The following TNS3 variants were observed in gnomAD, a reference collection of about 807,000 sequenced individuals.
TNS3 encodes the protein tensin-3.
In TNS3, 45 loss-of-function variants were observed where a neutral mutation model predicts 140.9. That is an observed-to-expected ratio of 0.32 (90% CI 0.25 to 0.41). The LOEUF (loss-of-function observed/expected upper bound fraction) is 0.41. TNS3 is among the 10% of genes least tolerant of loss of function. TNS3 has a pLI of 1.00. For missense variants in TNS3, 1,716 were observed against 1,906.7 expected, an observed-to-expected ratio of 0.90 and a Z score of 1.86; for synonymous variants, 815 against 788.4, an observed-to-expected ratio of 1.03 and a Z score of -0.56.
At chr7:47,426,090 G>C (rs1262026861) in intron 9 of TNS3, among the ~76,000 whole-genome samples, 1 of 152,110 alleles carries the variant, frequency 6.6e-6, no homozygotes, top group African/African-American at 2.4e-5. Context: ...AGACCAGCCT[G>C]TCCAACATGG....
intron 1 of TNS3, chr7:47,557,267 G>C (rs897850662): frequency 7.5e-6 from 3 of 398,372 alleles, no homozygotes; most frequent in African/African-American, 4.1e-5. Flanking sequence ...GTGCAGTCAC[G>C]GGTGATATGC....
chr7:47,389,080 A>AGAAGAAGAAGAGGAAGAG (rs1792310225), intron 16 of TNS3, among the ~76,000 whole-genome samples: 1 of 65,846 alleles, frequency 1.5e-5, no homozygotes. Flanking sequence ...AAGAAGAAGA[A>AGAAGAAGAAGAGGAAGAG]GAAGAGGAAG....
intron 1 of TNS3, among the ~76,000 whole-genome samples, chr7:47,535,754 C>T (rs1284984620): frequency 6.6e-6 from 1 of 152,246 alleles, no homozygotes; most frequent in Non-Finnish European, 1.5e-5. Context: ...CAGGGAGGTG[C>T]TCCACATGAA....
At chr7:47,299,933 A>T (rs369789291) in intron 23 of TNS3, among the ~76,000 whole-genome samples, 2 of 152,232 alleles carry the variant, frequency 1.3e-5, no homozygotes, top group Non-Finnish European at 2.9e-5. Context: ...CGCGCCCTGC[A>T]TCTGGAGAAG....
intron 2 of TNS3, among the ~76,000 whole-genome samples, chr7:47,519,118 G>A (rs1798877196): frequency 6.6e-6 from 1 of 152,122 alleles, no homozygotes; most frequent in African/African-American, 2.4e-5. Context: ...GAGTCAGTGA[G>A]ACCCACTGAG....
At position 47,297,151 on chromosome 7, in the gene TNS3, G is replaced by A. The variant is rs753439687; in HGVS notation, c.3607C>T (p.Arg1203Ter). ...TTCATGGCCAGGCCATAGGCCCCTCGGAAGGAATGGCTGTCTCGAACAATG... is the reference window on the plus strand; with the variant it reads ...TTCATGGCCAGGCCATAGGCCCCTCAGAAGGAATGGCTGTCTCGAACAATG... ...SFIVRDSHSF[R>*]GAYGLAMKVA... Residue 1203 changes from arginine to a stop codon, truncating the protein, a stop_gained, in exon 24 of 31, where the codon CGA (arginine) becomes TGA (stop). Coordinates refer to ENST00000311160, the MANE Select transcript of TNS3 (RefSeq NM_022748.12). LOFTEE classifies it high-confidence loss of function. 4.3e-6 allele frequency: 7 copies of A among 1,613,754 alleles called. No individual in the cohort carries two copies. The highest frequency in any genetic ancestry group is 5.9e-6 in the Non-Finnish European group (7 of 1,180,006).
chr7:47,483,753 G>A (rs1797511282), intron 3 of TNS3, among the ~76,000 whole-genome samples: 1 of 152,206 alleles, frequency 6.6e-6, no homozygotes, highest in Non-Finnish European at 1.5e-5. Context: ...GGTGAGCTCT[G>A]TAAGCCGGGA....
rs193121111 is a variant in TNS3 at position 47,292,801 on chromosome 7, G to A, written c.3850+27C>T. On this transcript the variant is annotated intron_variant, in intron 26 of 30. Transcript: ENST00000311160. ...CTTGACTGCAGACAATCTACACAGA[G>A]CCTGACTAGCACTGAGGACCCCTTA... is the stretch of plus-strand genomic sequence containing the variant. The A allele has an allele frequency of 4.5e-3, 7,213 of 1,605,602 alleles. 43 individuals are homozygous for A. The highest frequency in any genetic ancestry group is 4.9e-3 in the Non-Finnish European group (5,783 of 1,173,294).
intron 13 of TNS3, among the ~76,000 whole-genome samples, chr7:47,401,413 A>G (rs768453844): frequency 2.6e-5 from 4 of 152,204 alleles, no homozygotes; most frequent in Non-Finnish European, 4.4e-5. Flanking sequence ...TGTGTGTACT[A>G]TCCTAAATGA....
chr7:47,390,490 C>T (rs1182274988), intron 16 of TNS3, among the ~76,000 whole-genome samples: 1 of 152,184 alleles, frequency 6.6e-6, no homozygotes, highest in Non-Finnish European at 1.5e-5. Flanking sequence ...AAATGTGAAT[C>T]TCCTCTGTCT....
In TNS3 at chr7:47,277,981, A is replaced by C. The variant is rs190405325; in HGVS notation, c.*95T>G. On this transcript the variant is annotated 3_prime_UTR_variant, in exon 31 of 31. Transcript: ENST00000311160. ...CTCATGGGCCTGGAATGTCAGGTTT[A>C]CTAGTTTGGTAAAAAGTGGGGGCCC... The C allele has an allele frequency of 7.2e-7, 1 of 1,381,234 alleles. No individual in the cohort carries two copies. The highest frequency in any genetic ancestry group is 2.3e-5 in the East Asian group (1 of 43,010). The allele number at this position is 1,381,234 out of a possible 1,614,324, so 85.6% of individuals were successfully genotyped here.
chr7:47,290,398 A>G (rs1376867665), intron 27 of TNS3, among the ~76,000 whole-genome samples: 4 of 152,358 alleles, frequency 2.6e-5, no homozygotes, highest in Non-Finnish European at 5.9e-5. Flanking sequence ...TGCTCTGTAG[A>G]AGAATGAAAA....
At chr7:47,408,083 G>A (rs1325991883) in intron 13 of TNS3, among the ~76,000 whole-genome samples, 6 of 152,112 alleles carry the variant, frequency 3.9e-5, no homozygotes, top group Non-Finnish European at 8.8e-5. Context: ...GCAGGTTAGA[G>A]CCAGCAACAG....
intron 4 of TNS3, among the ~76,000 whole-genome samples, chr7:47,456,555 C>T (rs1796254643): frequency 6.6e-6 from 1 of 152,134 alleles, no homozygotes; most frequent in African/African-American, 2.4e-5. Flanking sequence ...TAGTATATTA[C>T]ATTATTACTA....
At chr7:47,410,181 C>T (rs1224730597) in intron 13 of TNS3, among the ~76,000 whole-genome samples, 1 of 152,172 alleles carries the variant, frequency 6.6e-6, no homozygotes, top group African/African-American at 2.4e-5. Context: ...ATGTTTCTCT[C>T]CCCTCCTGGT....
chr7:47,305,388 C>T (rs1241478339), intron 20 of TNS3, among the ~76,000 whole-genome samples: 1 of 152,246 alleles, frequency 6.6e-6, no homozygotes, highest in Non-Finnish European at 1.5e-5. Context: ...ATCTAGGCTG[C>T]ACCTCACTTT....
chr7:47,300,119 C>T (rs2150686702), intron 23 of TNS3, among the ~76,000 whole-genome samples: 1 of 151,982 alleles, frequency 6.6e-6, no homozygotes, highest in African/African-American at 2.4e-5. Flanking sequence ...GTTTTTTTTC[C>T]TCCTGCATCA....
At chr7:47,459,658 C>G (rs1044895089) in intron 4 of TNS3, among the ~76,000 whole-genome samples, 14 of 152,138 alleles carry the variant, frequency 9.2e-5, no homozygotes, top group Admixed American at 2.0e-4. Context: ...CAGAGGTCCC[C>G]AGGACATAAA....
intron 2 of TNS3, among the ~76,000 whole-genome samples, chr7:47,523,883 C>A (rs1363844227): frequency 1.3e-5 from 2 of 152,166 alleles, no homozygotes; most frequent in Non-Finnish European, 2.9e-5. Context: ...GCCCACCAGG[C>A]CAGAGGGCTC....
Sources: allele counts gnomAD v4.1 joint callset (sites outside exome capture counted in the v4.1 genomes callset), GRCh38; gene constraint gnomAD v4.1.1; transcripts MANE v1.5; gene names NCBI Gene and HGNC (gene_info 2026-07-23, HGNC 2026-07-21).